The following GPCPD1 variants were observed in gnomAD, a reference collection of about 807,000 sequenced individuals.
GPCPD1 encodes glycerophosphocholine phosphodiesterase GPCPD1.
GPCPD1 carries 29 observed loss-of-function variants against 89.2 expected under a neutral mutation model. That is an observed-to-expected ratio of 0.33 (90% CI 0.24 to 0.44). The LOEUF (loss-of-function observed/expected upper bound fraction) is 0.44. Ranked by LOEUF, GPCPD1 falls within the 20% of genes least tolerant of loss-of-function variation. The pLI is 1.00. For synonymous variants in GPCPD1, 258 were observed against 266.3 expected, an observed-to-expected ratio of 0.97 and a Z score of 0.30; for missense variants, 594 against 808.9, an observed-to-expected ratio of 0.73 and a Z score of 3.22.
At chr20:5,554,404 C>A (rs1307869780) in intron 19 of GPCPD1, among the ~76,000 whole-genome samples, 1 of 152,186 alleles carries the variant, frequency 6.6e-6, no homozygotes, top group Non-Finnish European at 1.5e-5. Context: ...GGCTGCTTCT[C>A]TTGTTAGGGG....
chr20:5,544,741 G>A lies in GPCPD1; in HGVS notation c.*2920C>T, dbSNP rs1284019388. The A allele has an allele frequency of 6.6e-6, 1 of 152,236 alleles. No homozygotes were observed. The highest frequency in any genetic ancestry group is 1.5e-5 in the Non-Finnish European group (1 of 68,064). The allele number at this position is 152,236 out of a possible 1,614,324, so 9.4% of individuals were successfully genotyped here. ...ACAACATTAAATAGTAAGACTGAGA[G>A]GCTGTCTGCATGTTTCCATCATCAT... On this transcript the variant is annotated 3_prime_UTR_variant, in exon 20 of 20. Coordinates refer to ENST00000379019, the MANE Select transcript of GPCPD1 (RefSeq NM_019593.5).
At chr20:5,603,018 G>A (rs1231013378) in intron 2 of GPCPD1, among the ~76,000 whole-genome samples, 1 of 150,308 alleles carries the variant, frequency 6.7e-6, no homozygotes, top group African/African-American at 2.5e-5. Flanking sequence ...AGGGGGCTGG[G>A]CACGGTGGCT....
intron 7 of GPCPD1, among the ~76,000 whole-genome samples, chr20:5,579,417 G>A (rs1380175159): frequency 2.0e-5 from 3 of 151,528 alleles, no homozygotes; most frequent in African/African-American, 4.8e-5. Context: ...GTGCGATCTC[G>A]GCTCACTGCA....
Position 5,549,520 on chromosome 20 carries a change from A to C in GPCPD1, c.1830-1670T>G. 3 of 1,076,790 alleles carry C rather than the reference A, an allele frequency of 2.8e-6. 1 individual carries two copies. In the South Asian group the frequency reaches 3.8e-5, roughly 13 times the overall value. The allele number at this position is 1,076,790 out of a possible 1,614,324, so 66.7% of individuals were successfully genotyped here. On this transcript the variant is annotated intron_variant, in intron 19 of 19. Coordinates refer to ENST00000379019, the MANE Select transcript of GPCPD1 (RefSeq NM_019593.5). Reference sequence around the variant, plus strand: ...GAGTATTCTTCTGAGTATTCTCATAAGAGACCAAGTCAAGCAATCGAGATT... The same window carrying C: ...GAGTATTCTTCTGAGTATTCTCATACGAGACCAAGTCAAGCAATCGAGATT...
At chr20:5,604,471 A>G in intron 1 of GPCPD1, 31 bp from the exon 2 acceptor site, 1 of 971,426 alleles carries the variant, frequency 1.0e-6, no homozygotes, top group East Asian at 2.4e-5. Flanking sequence ...AACTTATAGT[A>G]TAAAAATATA....
chr20:5,592,843 A>G (rs907625573), intron 4 of GPCPD1, among the ~76,000 whole-genome samples: 1 of 152,232 alleles, frequency 6.6e-6, no homozygotes, highest in African/African-American at 2.4e-5. Flanking sequence ...GGTCTTATCA[A>G]TAACATCTTT....
At chr20:5,557,680 G>C (rs1985851938) in intron 19 of GPCPD1, among the ~76,000 whole-genome samples, 1 of 152,050 alleles carries the variant, frequency 6.6e-6, no homozygotes, top group Admixed American at 6.5e-5. Context: ...ACAGAGAAGA[G>C]GTCTAAGGGC....
intron 5 of GPCPD1, 52 bp downstream of exon 5, chr20:5,586,142 A>G (rs1461466965): frequency 5.8e-6 from 5 of 862,634 alleles, no homozygotes; most frequent in Non-Finnish European, 9.8e-6. Context: ...ATTGTGCAGC[A>G]TATTAGTAAC....
At chr20:5,565,860 T>TA (rs1012237145) in intron 14 of GPCPD1, among the ~76,000 whole-genome samples, 75 of 151,818 alleles carry the variant, frequency 4.9e-4, no homozygotes, top group Middle Eastern at 6.8e-3. Flanking sequence ...CAATATAGAC[T>TA]AAAAAAAAGA....
In GPCPD1 at chr20:5,547,680, T is replaced by C; in HGVS notation, c.2000A>G (p.Asp667Gly). ...TAAAAACTAAGCATTCTCCACGTTA[T>C]CAATGCCGTTGGCATCCACATGGAT... ...SDIHVDANGI[D>G]NVENA Residue 667 changes from aspartate (D) to glycine (G), a missense_variant, in exon 20 of 20, where the codon GAT (aspartate) becomes GGT (glycine). Coordinates refer to ENST00000379019, the MANE Select transcript of GPCPD1 (RefSeq NM_019593.5). 6.2e-7 allele frequency: 1 copy of C among 1,603,044 alleles called. No individual in the cohort carries two copies. The highest frequency in any genetic ancestry group is 1.3e-5 in the African/African-American group (1 of 74,834).
chr20:5,608,812 A>G (rs1437378356), intron 1 of GPCPD1, among the ~76,000 whole-genome samples: 1 of 152,222 alleles, frequency 6.6e-6, no homozygotes, highest in East Asian at 1.9e-4. Flanking sequence ...TGAAAACGTA[A>G]CATCTATTCT....
chr20:5,604,612 G>GGGGT (rs1491223576), intron 1 of GPCPD1, among the ~76,000 whole-genome samples, 172 bp from the exon 2 acceptor site: 1 of 17,076 alleles, frequency 5.9e-5, no homozygotes, highest in African/African-American at 2.0e-4. Context: ...ACTTTAGTGC[G>GGGGT]GGGGGGGGGG....
intron 16 of GPCPD1, 94 bp from the exon 17 acceptor site, chr20:5,560,170 C>T (rs370689924): frequency 2.6e-6 from 2 of 775,426 alleles, no homozygotes; most frequent in Non-Finnish European, 2.0e-6. Context: ...GATGAAAAAA[C>T]CCCTGACAGT....
At chr20:5,548,974 T>C (rs1600704687) in intron 19 of GPCPD1, 2 of 936,928 alleles carry the variant, frequency 2.1e-6, no homozygotes, top group East Asian at 3.4e-5. Context: ...CTGGTTTTTT[T>C]AAAAAAGATA....
chr20:5,576,083 T>G, intron 8 of GPCPD1, 105 bp from the exon 9 acceptor site: 1 of 505,100 alleles, frequency 2.0e-6, no homozygotes, highest in Non-Finnish European at 3.5e-6. Flanking sequence ...ACATATCTCC[T>G]ATATATGAAA....
intron 19 of GPCPD1, 49 bp from the exon 20 acceptor site, chr20:5,547,899 T>A (rs1178160228): frequency 9.5e-7 from 1 of 1,052,890 alleles, no homozygotes; most frequent in Non-Finnish European, 1.4e-6. Flanking sequence ...ATTTTATGGT[T>A]TACCTAAGAC....
In GPCPD1 at chr20:5,580,003, C is replaced by T; in HGVS notation, c.473+5G>A. Reference sequence around the variant, plus strand: ...AGCCTAAGTAACACATAAACATGGTCATACCTAAATCTAGATTTTTTTAAT... The same window carrying T: ...AGCCTAAGTAACACATAAACATGGTTATACCTAAATCTAGATTTTTTTAAT... On this transcript the variant is annotated splice_donor_5th_base_variant and intron_variant, in intron 7 of 19. Transcript: ENST00000379019. 6.5e-7 allele frequency: 1 copy of T among 1,527,150 alleles called. No homozygotes were observed. The highest frequency in any genetic ancestry group is 1.2e-5 in the South Asian group (1 of 86,806). The allele number at this position is 1,527,150 out of a possible 1,614,324, so 94.6% of individuals were successfully genotyped here. A position where few individuals can be genotyped will look rare whatever the true frequency, so the allele number is the denominator to read the frequency against.
chr20:5,578,817 T>C (rs1231754592), intron 7 of GPCPD1, among the ~76,000 whole-genome samples: 1 of 152,210 alleles, frequency 6.6e-6, no homozygotes, highest in Non-Finnish European at 1.5e-5. Flanking sequence ...TATCTACACA[T>C]ATTTTTGCAA....
intron 12 of GPCPD1, among the ~76,000 whole-genome samples, chr20:5,569,295 G>A (rs1054386256): frequency 6.6e-5 from 10 of 152,146 alleles, no homozygotes; most frequent in Non-Finnish European, 1.3e-4. Flanking sequence ...ATCTGGTACA[G>A]TGATGCTAGC....
Sources: gnomAD v4.1 joint callset for allele counts (sites outside exome capture counted in the v4.1 genomes callset) on GRCh38, gnomAD v4.1.1 for gene constraint, MANE v1.5 for transcripts, NCBI Gene and HGNC (gene_info 2026-07-23, HGNC 2026-07-21) for gene names.